STPG2: variants seen among roughly 807,000 people sequenced by gnomAD.
STPG2 encodes sperm tail PG-rich repeat containing 2.
Under a neutral mutation model 54.2 loss-of-function variants are expected in STPG2, and 56 were observed. The ratio of observed to expected loss-of-function variants is 1.03; its 90% CI spans 0.83 to 1.29. STPG2 has a LOEUF of 1.29. STPG2 is among the 50% of genes most tolerant of loss of function. The probability of loss-of-function intolerance (pLI) is 0.00; values close to 1 mark genes in which losing one functional copy is unlikely to be tolerated. For missense variants in STPG2, 596 were observed against 544.9 expected (o/e 1.09, Z -0.93); for synonymous variants, 200 against 181.8 (o/e 1.10, Z -0.81).
chr4:97,811,101 A>G (rs1727724368), intron 9 of STPG2, among the ~76,000 whole-genome samples: 1 of 152,172 alleles, frequency 6.6e-6, no homozygotes, highest in African/African-American at 2.4e-5. Flanking sequence ...ATTTTCCCAA[A>G]GAATACGAAT....
rs537335081 is a variant in STPG2 at position 97,739,165 on chromosome 4, C to G, written c.1205-26351G>C. Among the ~76,000 whole-genome samples the G allele has an allele frequency of 2.7e-3, 409 of 152,012 alleles. No homozygotes were observed. In the Middle Eastern group the frequency reaches 0.031, roughly 11 times the overall value. ...AAATCAAGATGTTCTTTGAAACCAACGAGAACAAAGACACAACATACCAGA... is the reference window on the plus strand; with the variant it reads ...AAATCAAGATGTTCTTTGAAACCAAGGAGAACAAAGACACAACATACCAGA... On this transcript the variant is annotated intron_variant, in intron 9 of 10. Coordinates refer to ENST00000295268, the MANE Select transcript of STPG2 (RefSeq NM_174952.3).
intron 10 of STPG2, among the ~76,000 whole-genome samples, chr4:97,586,209 T>C (rs533898317): frequency 8.6e-5 from 13 of 151,876 alleles, no homozygotes; most frequent in Admixed American, 2.0e-4. Context: ...GACACAATAA[T>C]AGAGTGAGAT....
intron 10 of STPG2, among the ~76,000 whole-genome samples, chr4:97,660,982 C>T (rs1226372913): frequency 6.6e-6 from 1 of 151,926 alleles, no homozygotes; most frequent in Non-Finnish European, 1.5e-5. Context: ...TTGGCTAAGT[C>T]ACGAATAATA....
chr4:97,527,037 A>G (rs867362086), intron 4 of STPG2, among the ~76,000 whole-genome samples: 5 of 151,596 alleles, frequency 3.3e-5, no homozygotes, highest in Non-Finnish European at 5.9e-5. Flanking sequence ...TCTGGGATAC[A>G]TGTGCAGAAC....
At chr4:97,553,042 A>C (rs1016189999) in intron 4 of STPG2, among the ~76,000 whole-genome samples, 1 of 152,156 alleles carries the variant, frequency 6.6e-6, no homozygotes, top group Non-Finnish European at 1.5e-5. Flanking sequence ...TGAATAATCT[A>C]CACCCATTAT....
At chr4:97,540,203 A>T (rs1248373718) in intron 4 of STPG2, among the ~76,000 whole-genome samples, 1 of 152,186 alleles carries the variant, frequency 6.6e-6, no homozygotes. Context: ...TTTTGAAAAG[A>T]TCCACAAAAT....
chr4:97,709,979 G>A (rs975611181), intron 10 of STPG2, among the ~76,000 whole-genome samples: 1 of 151,892 alleles, frequency 6.6e-6, no homozygotes, highest in African/African-American at 2.4e-5. Flanking sequence ...TTAGGTGCCA[G>A]ATTCTGTGGG....
At chr4:97,576,702 T>C (rs1581012) in intron 10 of STPG2, among the ~76,000 whole-genome samples, 6,839 of 152,126 alleles carry the variant, frequency 0.045, 405 homozygotes, top group African/African-American at 0.14. Flanking sequence ...GAATTTATCA[T>C]TAAGTCCTCC....
rs193081650 is a variant in STPG2, at chr4:97,604,805, C to A, written c.1321-45688G>T. Among the ~76,000 whole-genome samples the A allele has an allele frequency of 7.9e-5, 12 of 151,858 alleles. No individual in the cohort carries two copies. The East Asian group carries it at 2.3e-3, about 29-fold the overall frequency. On this transcript the variant is annotated intron_variant, in intron 10 of 10. Coordinates refer to ENST00000295268, the MANE Select transcript of STPG2 (RefSeq NM_174952.3). Reference sequence around the variant, plus strand: ...TATCTTACATTCTAAACCAAACATACTAAGTATCTGAGCATAATCATATTT... The same window carrying A: ...TATCTTACATTCTAAACCAAACATAATAAGTATCTGAGCATAATCATATTT...
At chr4:97,539,756 C>G (rs907349606) in intron 4 of STPG2, among the ~76,000 whole-genome samples, 3 of 151,842 alleles carry the variant, frequency 2.0e-5, no homozygotes, top group Admixed American at 2.0e-4. Flanking sequence ...ATACATTCTT[C>G]TCAGCACCAC....
At chr4:98,003,649 G>T (rs997827054) in intron 5 of STPG2, among the ~76,000 whole-genome samples, 1 of 151,960 alleles carries the variant, frequency 6.6e-6, no homozygotes, top group Non-Finnish European at 1.5e-5. Context: ...CATTTCAAAA[G>T]CTCATATGAT....
chr4:98,097,557 G>A lies in STPG2; in HGVS notation c.612+8396C>T, dbSNP rs539008701. Among the ~76,000 whole-genome samples the A allele has an allele frequency of 2.6e-5, 4 of 152,184 alleles. No individual in the cohort carries two copies. The South Asian group carries it at 8.3e-4, about 32-fold the overall frequency. Reference sequence around the variant, plus strand: ...GAAAAACTGGGAGCCTTTCCTCTAAGACATGGAACATGACAAGGATGTCCA... The same window carrying A: ...GAAAAACTGGGAGCCTTTCCTCTAAAACATGGAACATGACAAGGATGTCCA... On this transcript the variant is annotated intron_variant, in intron 5 of 10. Transcript: ENST00000295268.
intron 5 of STPG2, among the ~76,000 whole-genome samples, chr4:98,056,274 C>G (rs1292617051): frequency 6.6e-6 from 1 of 152,094 alleles, no homozygotes; most frequent in Non-Finnish European, 1.5e-5. Context: ...ACCCAGAGCT[C>G]TCCAGCCAGT....
At chr4:97,586,563 C>A (rs879757073) in intron 10 of STPG2, among the ~76,000 whole-genome samples, 1 of 151,836 alleles carries the variant, frequency 6.6e-6, no homozygotes, top group Non-Finnish European at 1.5e-5. Context: ...AAATAAAAAT[C>A]TTTAAAGCAC....
chr4:97,620,984 C>A (rs1448259837), intron 10 of STPG2, among the ~76,000 whole-genome samples: 3 of 152,026 alleles, frequency 2.0e-5, no homozygotes, highest in Non-Finnish European at 4.4e-5. Context: ...AAGAAAATTG[C>A]TCAAAACTAT....
intron 10 of STPG2, among the ~76,000 whole-genome samples, chr4:97,588,040 A>G (rs1327043573): frequency 6.6e-6 from 1 of 152,016 alleles, no homozygotes; most frequent in East Asian, 1.9e-4. Context: ...AATCAAATGT[A>G]TGATATTACA....
chr4:97,866,982 G>T (rs1268634183), intron 8 of STPG2, among the ~76,000 whole-genome samples: 1 of 151,858 alleles, frequency 6.6e-6, no homozygotes, highest in African/African-American at 2.4e-5. Context: ...AGCTATACTG[G>T]CAACCTCTCA....
chr4:97,667,033 C>T (rs72684455), intron 10 of STPG2, among the ~76,000 whole-genome samples: 5 of 152,302 alleles, frequency 3.3e-5, no homozygotes, highest in African/African-American at 9.6e-5. Context: ...TTCTTGCCCT[C>T]AACCTATGTT....
At chr4:97,632,399 A>G (rs1721318867) in intron 10 of STPG2, among the ~76,000 whole-genome samples, 1 of 151,964 alleles carries the variant, frequency 6.6e-6, no homozygotes, top group Non-Finnish European at 1.5e-5. Flanking sequence ...AATGTCTGTT[A>G]ATGTTCATAA....
Sources: gnomAD v4.1 joint callset for allele counts (sites outside exome capture counted in the v4.1 genomes callset) on GRCh38, gnomAD v4.1.1 for gene constraint, MANE v1.5 for transcripts, NCBI Gene and HGNC (gene_info 2026-07-23, HGNC 2026-07-21) for gene names.